The following MBOAT1 variants were observed in gnomAD, a reference collection of about 807,000 sequenced individuals.
MBOAT1 encodes the protein membrane-bound glycerophospholipid O-acyltransferase 1.
Under a neutral mutation model 64.4 loss-of-function variants are expected in MBOAT1, and 67 were observed. That is an observed-to-expected ratio of 1.04 (90% CI 0.85 to 1.27). MBOAT1 has a LOEUF of 1.27. MBOAT1 is among the 50% of genes most tolerant of loss of function. The probability of loss-of-function intolerance (pLI) is 0.00; values close to 1 mark genes in which losing one functional copy is unlikely to be tolerated. For missense variants in MBOAT1, 563 were observed against 604.6 expected (o/e 0.93, Z 0.72); for synonymous variants, 229 against 218.9 (o/e 1.05, Z -0.41).
At chr6:20,110,884 A>G (rs1760118469) in intron 11 of MBOAT1, among the ~76,000 whole-genome samples, 1 of 152,228 alleles carries the variant, frequency 6.6e-6, no homozygotes, top group Non-Finnish European at 1.5e-5. Flanking sequence ...CCTTGTAAAT[A>G]AATCTCTGCT....
chr6:20,132,563 CA>C (rs1258846254), intron 4 of MBOAT1, among the ~76,000 whole-genome samples: 6 of 152,042 alleles, frequency 3.9e-5, no homozygotes, highest in Non-Finnish European at 5.9e-5. Context: ...CATGAAAGAA[CA>C]GAAAAATCAA....
At position 20,115,332 on chromosome 6, in the gene MBOAT1, C is replaced by T; in HGVS notation, c.1032G>A (p.Met344Ile). 1 of 1,613,008 alleles carries T rather than the reference C, an allele frequency of 6.2e-7. No homozygotes were observed. The highest frequency in any genetic ancestry group is 8.5e-7 in the Non-Finnish European group (1 of 1,179,338). The stretch of plus-strand genomic sequence containing the variant: ...TCTGAATATTCCAGTTTTCCAAGTA[C>T]ATTTTGAAACTTGTGGCAGTCTGGA... The part of the protein sequence containing the change: ...WKIETATSFK[M>I]YLENWNIQTA... Residue 344 changes from methionine (M) to isoleucine (I), a missense_variant, in exon 10 of 13, where the codon ATG (methionine) becomes ATA (isoleucine). By Grantham distance (10) the Met-to-Ile change is conservative. Transcript: ENST00000324607.
chr6:20,124,363 T>C (rs1366113890), intron 8 of MBOAT1, 45 bp downstream of exon 8: 1 of 1,576,624 alleles, frequency 6.3e-7, no homozygotes, highest in South Asian at 1.2e-5. Flanking sequence ...ATTCAAGCAG[T>C]AGCATTTTTC....
Position 20,137,362 on chromosome 6 carries a change from C to G in MBOAT1, c.420-6163G>C, listed in dbSNP as rs565396006. Among the ~76,000 whole-genome samples the G allele has an allele frequency of 3.9e-5, 6 of 152,284 alleles. No homozygotes were observed. In the East Asian group the frequency reaches 1.2e-3, roughly 29 times the overall value. On this transcript the variant is annotated intron_variant, in intron 4 of 12. Coordinates refer to ENST00000324607, the MANE Select transcript of MBOAT1 (RefSeq NM_001080480.3). Reference sequence around the variant, plus strand: ...TCTTGCTGGGGCCCTCCAAAGAAAACTCGATTTGCACCCTTCTGTGAGCAA... The same window carrying G: ...TCTTGCTGGGGCCCTCCAAAGAAAAGTCGATTTGCACCCTTCTGTGAGCAA...
chr6:20,168,523 GAGAGA>G (rs771736241), intron 1 of MBOAT1, among the ~76,000 whole-genome samples: 2,201 of 136,366 alleles, frequency 0.016, 44 homozygotes, highest in South Asian at 0.03. Flanking sequence ...GAGAGGAGAG[GAGAGA>G]AGAGGAGAGG....
intron 12 of MBOAT1, 41 bp from the exon 13 acceptor site, chr6:20,102,453 A>G: frequency 2.6e-6 from 4 of 1,540,284 alleles, no homozygotes; most frequent in Non-Finnish European, 3.6e-6. Context: ...TCAAATAAGG[A>G]TGTAGATGGG....
intron 1 of MBOAT1, among the ~76,000 whole-genome samples, chr6:20,168,825 G>A (rs1762111050): frequency 7.1e-6 from 1 of 140,748 alleles, no homozygotes; most frequent in Non-Finnish European, 1.6e-5. Flanking sequence ...GGAAGGAAGA[G>A]GAGAGGACAG....
chr6:20,150,831 C>T (rs1344456074), intron 3 of MBOAT1, among the ~76,000 whole-genome samples: 1 of 152,006 alleles, frequency 6.6e-6, no homozygotes, highest in Non-Finnish European at 1.5e-5. Context: ...ATCTGCCCAC[C>T]TCTGCCTCCC....
rs150832821 is a variant in MBOAT1 at position 20,173,338 on chromosome 6, G to A, written c.100-20569C>T. On this transcript the variant is annotated intron_variant, in intron 1 of 12. Coordinates refer to ENST00000324607, the MANE Select transcript of MBOAT1 (RefSeq NM_001080480.3). ...TGGCCTCTGAGTAATAGAAACTGGTGTCTTCTAGATGTCTGCATCCATGAA... is the reference window on the plus strand; with the variant it reads ...TGGCCTCTGAGTAATAGAAACTGGTATCTTCTAGATGTCTGCATCCATGAA... Among the ~76,000 whole-genome samples the A allele has an allele frequency of 8.0e-4, 122 of 151,710 alleles. 3 individuals carry two copies. The East Asian group carries it at 0.017, about 21-fold the overall frequency.
chr6:20,212,352 C>T lies in MBOAT1; in HGVS notation c.-118G>A. ...GAGAGGCGCACGGCCGCCTGGTTCG[C>T]GGGGGAGCGAACGGGAGGCCGGGGA... On this transcript the variant is annotated 5_prime_UTR_variant, in exon 1 of 13. Transcript: ENST00000324607. 1 of 885,654 alleles carries T rather than the reference C, an allele frequency of 1.1e-6. No individual in the cohort carries two copies. The highest frequency in any genetic ancestry group is 1.7e-6 in the Non-Finnish European group (1 of 585,928). 54.9% of individuals were successfully genotyped at this position (885,654 alleles called of 1,614,324 possible).
intron 1 of MBOAT1, among the ~76,000 whole-genome samples, chr6:20,194,123 C>CT (rs11458383): frequency 0.64 from 96,073 of 150,906 alleles, 30,747 homozygotes; most frequent in Admixed American, 0.72. Context: ...ACCAGTGATC[C>CT]AAAAAAAAAA....
At chr6:20,160,311 C>A (rs932022367) in intron 1 of MBOAT1, among the ~76,000 whole-genome samples, 2 of 152,216 alleles carry the variant, frequency 1.3e-5, no homozygotes, top group African/African-American at 4.8e-5. Context: ...TTTCTCCTAA[C>A]CAAGAGATGC....
At chr6:20,190,694 G>A (rs1480529270) in intron 1 of MBOAT1, among the ~76,000 whole-genome samples, 2 of 151,504 alleles carry the variant, frequency 1.3e-5, no homozygotes, top group Non-Finnish European at 3.0e-5. Flanking sequence ...ACTGAGAAAG[G>A]CCACTGCTTA....
chr6:20,141,234 C>T (rs143351180), intron 4 of MBOAT1, among the ~76,000 whole-genome samples: 11 of 152,202 alleles, frequency 7.2e-5, no homozygotes, highest in Non-Finnish European at 1.3e-4. Flanking sequence ...TGTGTGCAGA[C>T]CACAAACTTT....
chr6:20,155,150 C>G (rs774122059), intron 1 of MBOAT1, among the ~76,000 whole-genome samples: 1 of 152,194 alleles, frequency 6.6e-6, no homozygotes, highest in Non-Finnish European at 1.5e-5. Flanking sequence ...GTGGTTCTCA[C>G]GAGTGTAGTC....
At chr6:20,137,571 C>T (rs1036880437) in intron 4 of MBOAT1, among the ~76,000 whole-genome samples, 2 of 152,106 alleles carry the variant, frequency 1.3e-5, no homozygotes, top group African/African-American at 4.8e-5. Flanking sequence ...ATTGTATTAG[C>T]AGCACCAATA....
chr6:20,170,980 A>C (rs1762172924), intron 1 of MBOAT1, among the ~76,000 whole-genome samples: 1 of 152,166 alleles, frequency 6.6e-6, no homozygotes, highest in Admixed American at 6.6e-5. Context: ...GAAATTTTTA[A>C]AATGTAGAAA....
intron 10 of MBOAT1, among the ~76,000 whole-genome samples, chr6:20,113,844 A>T (rs569021780): frequency 1.3e-5 from 2 of 151,186 alleles, no homozygotes; most frequent in Admixed American, 6.6e-5. Flanking sequence ...ATAATAATAA[A>T]AAAATAAAAA....
At chr6:20,187,945 T>C (rs151325117) in intron 1 of MBOAT1, among the ~76,000 whole-genome samples, 174 of 152,094 alleles carry the variant, frequency 1.1e-3, no homozygotes, top group African/African-American at 4.0e-3. Flanking sequence ...TGAGCCAAGA[T>C]TGCACCACTG....
Sources: gnomAD v4.1 joint callset for allele counts (sites outside exome capture counted in the v4.1 genomes callset) on GRCh38, gnomAD v4.1.1 for gene constraint, MANE v1.5 for transcripts, NCBI Gene and HGNC (gene_info 2026-07-23, HGNC 2026-07-21) for gene names.